STXBP5L: variants seen among roughly 807,000 people sequenced by gnomAD.
STXBP5L encodes the protein syntaxin binding protein 5L.
A neutral mutation model predicts 144.5 loss-of-function variants in STXBP5L; 65 were observed. The ratio of observed to expected loss-of-function variants is 0.45; its 90% CI spans 0.37 to 0.55. The LOEUF (loss-of-function observed/expected upper bound fraction) is 0.55, where lower values mean the gene tolerates loss of function less well. Ranked by LOEUF, STXBP5L falls within the 20% of genes least tolerant of loss-of-function variation. The pLI is 0.00. For synonymous variants in STXBP5L, 505 were observed against 469.6 expected (o/e 1.08, Z -0.97); for missense variants, 1,298 against 1,405.5 (o/e 0.92, Z 1.22).
chr3:121,351,797 T>C (rs1031812509), intron 20 of STXBP5L, among the ~76,000 whole-genome samples: 4 of 152,200 alleles, frequency 2.6e-5, no homozygotes, highest in Non-Finnish European at 4.4e-5. Context: ...GGTTTTCTTC[T>C]AGGGCTTTTA....
chr3:121,015,275 A>T (rs774851030), intron 3 of STXBP5L, among the ~76,000 whole-genome samples: 1 of 152,200 alleles, frequency 6.6e-6, no homozygotes, highest in Non-Finnish European at 1.5e-5. Context: ...AGTTAATTAG[A>T]TTTCTGGTTT....
intron 3 of STXBP5L, among the ~76,000 whole-genome samples, chr3:121,025,483 A>G (rs1416892285): frequency 6.6e-6 from 1 of 152,134 alleles, no homozygotes. Context: ...GTTCTCATAT[A>G]GCAATTATCA....
intron 14 of STXBP5L, among the ~76,000 whole-genome samples, chr3:121,246,606 A>G (rs926570707): frequency 5.3e-5 from 8 of 152,234 alleles, no homozygotes; most frequent in Admixed American, 1.3e-4. Flanking sequence ...AAAAATATCT[A>G]TAAGTTTATA....
chr3:121,233,183 G>A (rs1407146646), intron 11 of STXBP5L, among the ~76,000 whole-genome samples: 1 of 152,088 alleles, frequency 6.6e-6, no homozygotes, highest in African/African-American at 2.4e-5. Context: ...AAGCAGTGTT[G>A]CTCTTATACA....
At chr3:121,338,518 C>T (rs1456806485) in intron 20 of STXBP5L, among the ~76,000 whole-genome samples, 1 of 145,390 alleles carries the variant, frequency 6.9e-6, no homozygotes, top group Non-Finnish European at 1.5e-5. Context: ...GTGGTGCCGC[C>T]TGTAATCCCA....
At chr3:121,222,009 A>T (rs2048987923) in intron 10 of STXBP5L, among the ~76,000 whole-genome samples, 2 of 152,056 alleles carry the variant, frequency 1.3e-5, no homozygotes, top group South Asian at 4.1e-4. Flanking sequence ...AAACAAGTAG[A>T]TTCTTCAGCT....
At chr3:121,033,598 A>G (rs1946533521) in intron 3 of STXBP5L, among the ~76,000 whole-genome samples, 1 of 150,508 alleles carries the variant, frequency 6.6e-6, no homozygotes, top group Admixed American at 6.6e-5. Flanking sequence ...ATTAAAAAAT[A>G]AATAAATAAA....
rs1050393244 is a variant in STXBP5L at position 120,960,268 on chromosome 3, G to A, written c.287+5231G>A. On this transcript the variant is annotated intron_variant, in intron 3 of 26. Transcript: ENST00000471454. ...AAAAAGTCAGGAAACAACAGGTGCTGGAGAGGATGTGGAGAAATAGGAACA... is the reference window on the plus strand; with the variant it reads ...AAAAAGTCAGGAAACAACAGGTGCTAGAGAGGATGTGGAGAAATAGGAACA... Among the ~76,000 whole-genome samples the A allele has an allele frequency of 5.3e-5, 8 of 152,288 alleles. No individual in the cohort carries two copies. The East Asian group carries it at 5.8e-4, about 11-fold the overall frequency.
chr3:121,242,009 G>T (rs74391143), intron 14 of STXBP5L, among the ~76,000 whole-genome samples: 2,938 of 152,182 alleles, frequency 0.019, 89 homozygotes, highest in African/African-American at 0.066. Context: ...TGAAAGAAAA[G>T]AACTATCAAT....
At chr3:121,273,130 T>G (rs1217460097) in intron 18 of STXBP5L, among the ~76,000 whole-genome samples, 1 of 152,128 alleles carries the variant, frequency 6.6e-6, no homozygotes, top group Non-Finnish European at 1.5e-5. Flanking sequence ...TGATTTCATG[T>G]TACTAATTAA....
At chr3:121,034,590 A>G (rs1946626749) in intron 3 of STXBP5L, among the ~76,000 whole-genome samples, 1 of 151,944 alleles carries the variant, frequency 6.6e-6, no homozygotes, top group African/African-American at 2.4e-5. Flanking sequence ...CTATGTATCT[A>G]TCTAGCTCAC....
rs537658368 is a variant in STXBP5L, at chr3:121,203,274, A to G, written c.878-2649A>G. On this transcript the variant is annotated intron_variant, in intron 9 of 26. Coordinates refer to ENST00000471454, the MANE Select transcript of STXBP5L (RefSeq NM_001308330.2). ...GTTTAGAGATTGCCATTGATTGGCT[A>G]TTTTGTACCTCATTAACATTATTTC... Among the ~76,000 whole-genome samples, 17 of 152,252 alleles carry G rather than the reference A, an allele frequency of 1.1e-4. No homozygotes were observed. The South Asian group carries it at 3.5e-3, about 32-fold the overall frequency.
chr3:120,999,746 G>C lies in STXBP5L; in HGVS notation c.288-41954G>C, dbSNP rs182968245. ...TTTTCAGGATTAGCACTTCCTTAAA[G>C]AGCTCTTGTAAGGCAGGTCTTGATG... is the stretch of plus-strand genomic sequence containing the variant. On this transcript the variant is annotated intron_variant, in intron 3 of 26. Coordinates refer to ENST00000471454, the MANE Select transcript of STXBP5L (RefSeq NM_001308330.2). 1.2e-4 allele frequency among the ~76,000 whole-genome samples: 18 copies of C among 152,246 alleles called. No individual in the cohort carries two copies. In the East Asian group the frequency reaches 3.5e-3, roughly 29 times the overall value.
chr3:121,035,700 G>A (rs147538677), intron 3 of STXBP5L, among the ~76,000 whole-genome samples: 2 of 151,988 alleles, frequency 1.3e-5, no homozygotes, highest in Middle Eastern at 3.4e-3. Flanking sequence ...CACTTTTATT[G>A]GTTCCATATG....
At chr3:120,963,172 TG>T (rs1939082376) in intron 3 of STXBP5L, among the ~76,000 whole-genome samples, 1 of 152,252 alleles carries the variant, frequency 6.6e-6, no homozygotes, top group Non-Finnish European at 1.5e-5. Context: ...AAGGAGATTT[TG>T]GGCTGAGGCA....
chr3:121,357,865 G>T (rs1429726646), intron 20 of STXBP5L: 2 of 152,284 alleles, frequency 1.3e-5, no homozygotes, highest in East Asian at 3.9e-4. Context: ...ACCACAGACA[G>T]CAATATAGCT....
Position 121,315,827 on chromosome 3 carries a change from C to A in STXBP5L, c.2111-2648C>A, listed in dbSNP as rs189422810. Among the ~76,000 whole-genome samples, 206 of 151,910 alleles carry A rather than the reference C, an allele frequency of 1.4e-3. 1 individual carries two copies. Among genetic ancestry groups the A allele is most frequent in the African/African-American group, 4.6e-3 (192 of 41,420 alleles). ...GACCAGCCTGGCCAATATGATGAAA[C>A]CCTGTCTCTACTAAAAATATAAAAA... On this transcript the variant is annotated intron_variant, in intron 19 of 26. Coordinates refer to ENST00000471454, the MANE Select transcript of STXBP5L (RefSeq NM_001308330.2).
chr3:121,052,566 C>G lies in STXBP5L; in HGVS notation c.470+7031C>G, dbSNP rs191647284. ...AACAACCCTTCATGCTAAAAACTCT[C>G]AACAAATTAGGTATTGATGGGACAT... On this transcript the variant is annotated intron_variant, in intron 5 of 26. Transcript: ENST00000471454. 1.6e-4 allele frequency among the ~76,000 whole-genome samples: 24 copies of G among 152,310 alleles called. No homozygotes were observed. In the East Asian group the frequency reaches 3.7e-3, roughly 23 times the overall value.
At chr3:121,114,020 T>C (rs1455044754) in intron 5 of STXBP5L, among the ~76,000 whole-genome samples, 1 of 152,170 alleles carries the variant, frequency 6.6e-6, no homozygotes, top group Non-Finnish European at 1.5e-5. Context: ...ATTGGAAATA[T>C]GTCATTCACA....
Sources: allele counts gnomAD v4.1 joint callset (sites outside exome capture counted in the v4.1 genomes callset), GRCh38; gene constraint gnomAD v4.1.1; transcripts MANE v1.5; gene names NCBI Gene and HGNC (gene_info 2026-07-23, HGNC 2026-07-21).